The following PLCB4 variants were observed in gnomAD, a reference collection of about 807,000 sequenced individuals.
The protein encoded by PLCB4 is phospholipase C beta 4.
A neutral mutation model predicts 178.8 loss-of-function variants in PLCB4; 77 were observed. The observed-to-expected ratio is 0.43, with a 90% CI of 0.36 to 0.52. The LOEUF is 0.52. PLCB4 is among the 20% of genes least tolerant of loss of function. The pLI is 0.00. For missense variants in PLCB4, 1,024 were observed against 1,453.4 expected (o/e 0.70, Z 4.80); for synonymous variants, 496 against 490.8 (o/e 1.01, Z -0.14).
intron 2 of PLCB4, among the ~76,000 whole-genome samples, chr20:9,154,378 T>A (rs956215195): frequency 6.6e-6 from 1 of 152,214 alleles, no homozygotes; most frequent in African/African-American, 2.4e-5. Context: ...GGAGAATGAC[T>A]ATTGAGTTAT....
intron 3 of PLCB4, among the ~76,000 whole-genome samples, chr20:9,238,427 T>C (rs773217158): frequency 6.6e-6 from 1 of 152,124 alleles, no homozygotes; most frequent in Non-Finnish European, 1.5e-5. Flanking sequence ...AGGGACACCT[T>C]ATCCATATGT....
At chr20:9,097,184 C>G (rs924576657) in intron 2 of PLCB4, among the ~76,000 whole-genome samples, 1 of 151,734 alleles carries the variant, frequency 6.6e-6, no homozygotes, top group African/African-American at 2.4e-5. Context: ...AGCTGCCTAC[C>G]CCGGCCTCCG....
At chr20:9,445,460 T>A (rs1157287721) in intron 32 of PLCB4, among the ~76,000 whole-genome samples, 1 of 152,230 alleles carries the variant, frequency 6.6e-6, no homozygotes. Context: ...GCCGAGAACA[T>A]TGTCTGGAAC....
chr20:9,104,644 C>A (rs1041050750), intron 2 of PLCB4, among the ~76,000 whole-genome samples: 23 of 152,088 alleles, frequency 1.5e-4, no homozygotes, highest in African/African-American at 5.6e-4. Context: ...TATTAGTTTA[C>A]CCTATTCCTT....
intron 13 of PLCB4, among the ~76,000 whole-genome samples, chr20:9,383,964 A>AC (rs1423096912): frequency 6.6e-6 from 1 of 152,214 alleles, no homozygotes; most frequent in Admixed American, 6.5e-5. Context: ...GGGACCATGT[A>AC]CATCTGCCAT....
chr20:9,321,498 A>G (rs749936437), intron 4 of PLCB4, among the ~76,000 whole-genome samples: 1 of 152,294 alleles, frequency 6.6e-6, no homozygotes, highest in East Asian at 1.9e-4. Context: ...TCTAGACCAT[A>G]AGTATTATAC....
Position 9,160,320 on chromosome 20 carries a change from A to T in PLCB4, c.-78-57070A>T, listed in dbSNP as rs1284645320. 2.6e-5 allele frequency among the ~76,000 whole-genome samples: 4 copies of T among 152,240 alleles called. No homozygotes were observed. In the East Asian group the frequency reaches 5.8e-4, roughly 22 times the overall value. On this transcript the variant is annotated intron_variant, in intron 2 of 39. Transcript: ENST00000378473. ...CCTGGCTTGGGGAAAAGATGAAAGA[A>T]GTCCAGGATAGTTAGGTCCTCAAGG...
At chr20:9,307,716 C>A in intron 3 of PLCB4, 84 bp from the exon 4 acceptor site, 1 of 563,318 alleles carries the variant, frequency 1.8e-6, no homozygotes, top group East Asian at 3.2e-5. Flanking sequence ...AAATCTTCTG[C>A]AAACACAGAA....
chr20:9,070,244 G>T (rs1462771329), intron 1 of PLCB4, among the ~76,000 whole-genome samples: 1 of 152,154 alleles, frequency 6.6e-6, no homozygotes, highest in Admixed American at 6.5e-5. Context: ...CTTTACCTGG[G>T]GAGGCTCCAA....
chr20:9,307,715 G>C, intron 3 of PLCB4, 85 bp from the exon 4 acceptor site: 1 of 561,916 alleles, frequency 1.8e-6, no homozygotes, highest in Non-Finnish European at 3.1e-6. Flanking sequence ...TAAATCTTCT[G>C]CAAACACAGA....
At chr20:9,183,451 T>C (rs1416614949) in intron 2 of PLCB4, among the ~76,000 whole-genome samples, 2 of 152,130 alleles carry the variant, frequency 1.3e-5, no homozygotes, top group Admixed American at 6.5e-5. Context: ...ACAGAGGACG[T>C]AGAAATTTTT....
At chr20:9,223,285 C>T (rs1228033136) in intron 3 of PLCB4, among the ~76,000 whole-genome samples, 2 of 152,124 alleles carry the variant, frequency 1.3e-5, no homozygotes, top group African/African-American at 4.8e-5. Context: ...CTCAAAGAGT[C>T]GAATTTTGCA....
intron 21 of PLCB4, among the ~76,000 whole-genome samples, chr20:9,407,108 A>G (rs943757693): frequency 7.9e-5 from 12 of 152,292 alleles, no homozygotes; most frequent in African/African-American, 2.6e-4. Context: ...CTAGAGTGCT[A>G]CAGTGAAACA....
chr20:9,371,335 G>T, intron 10 of PLCB4, 40 bp downstream of exon 10: 1 of 1,105,320 alleles, frequency 9.0e-7, no homozygotes, highest in Non-Finnish European at 1.4e-6. Flanking sequence ...AAACCATTTT[G>T]TTTATTTATC....
At chr20:9,383,954 G>A (rs1167370178) in intron 13 of PLCB4, among the ~76,000 whole-genome samples, 1 of 152,126 alleles carries the variant, frequency 6.6e-6, no homozygotes, top group African/African-American at 2.4e-5. Context: ...CTGAACTTGG[G>A]GGACCATGTA....
intron 32 of PLCB4, 49 bp from the exon 33 acceptor site, chr20:9,453,298 T>G: frequency 9.4e-7 from 1 of 1,062,188 alleles, no homozygotes; most frequent in Non-Finnish European, 1.5e-6. Flanking sequence ...CTATATGGTG[T>G]GAGCCATGCT....
intron 2 of PLCB4, among the ~76,000 whole-genome samples, chr20:9,152,265 T>G (rs966985718): frequency 6.6e-6 from 1 of 152,172 alleles, no homozygotes. Flanking sequence ...GAGCCTAATG[T>G]TAATCCCCAA....
intron 26 of PLCB4, among the ~76,000 whole-genome samples, 169 bp downstream of exon 26, chr20:9,420,078 A>G (rs1393703169): frequency 3.3e-5 from 5 of 152,192 alleles, no homozygotes; most frequent in Non-Finnish European, 5.9e-5. Flanking sequence ...CACTAGTAAA[A>G]TTATTAGCTA....
intron 25 of PLCB4, among the ~76,000 whole-genome samples, chr20:9,417,138 A>T (rs2040304523): frequency 6.6e-6 from 1 of 152,162 alleles, no homozygotes; most frequent in Non-Finnish European, 1.5e-5. Context: ...GGAAAAAAGT[A>T]CTTTTATTTT....
Sources: gnomAD v4.1 joint callset for allele counts (sites outside exome capture counted in the v4.1 genomes callset) on GRCh38, gnomAD v4.1.1 for gene constraint, MANE v1.5 for transcripts, NCBI Gene and HGNC (gene_info 2026-07-23, HGNC 2026-07-21) for gene names.